Variants in KGD4 observed in about 807,000 individuals in gnomAD.
KGD4 encodes alpha-ketoglutarate dehydrogenase subunit 4.
the KGD4 span, chr5:69,226,516 T>G: frequency 1.3e-6 from 1 of 762,690 alleles, no homozygotes; most frequent in Non-Finnish European, 2.1e-6. Flanking sequence ...CTATTGTAGC[T>G]TAGATCAAAA....
the KGD4 span, among the ~76,000 whole-genome samples, chr5:69,228,636 A>C: frequency 6.9e-4 from 105 of 152,280 alleles, no homozygotes; most frequent in African/African-American, 2.5e-3. Context: ...GTCCTGAATA[A>C]TTTTTCAGAG....
the KGD4 span, chr5:69,218,052 G>A: frequency 2.1e-6 from 2 of 956,648 alleles, no homozygotes; most frequent in Non-Finnish European, 3.1e-6. Flanking sequence ...GGACCGGGCA[G>A]TGAGGTGGGT....
the KGD4 span, chr5:69,229,135 G>A: frequency 2.5e-6 from 3 of 1,206,624 alleles, no homozygotes; most frequent in African/African-American, 4.8e-5. Context: ...GTATAAATTT[G>A]TAAAATTGCC....
At chr5:69,227,363 T>TC in the KGD4 span, among the ~76,000 whole-genome samples, 2 of 152,224 alleles carry the variant, frequency 1.3e-5, no homozygotes. Context: ...ATCTTTTCTT[T>TC]CATTCATTCA....
chr5:69,220,745 A>AG, the KGD4 span, among the ~76,000 whole-genome samples: 481 of 152,232 alleles, frequency 3.2e-3, 3 homozygotes, highest in African/African-American at 0.011. Flanking sequence ...CGAAAAGAAA[A>AG]GGGGGAAATG....
chr5:69,224,348 G>A, the KGD4 span, among the ~76,000 whole-genome samples: 1 of 150,570 alleles, frequency 6.6e-6, no homozygotes, highest in African/African-American at 2.5e-5. Context: ...CAGAGATTAC[G>A]CCACTACATT....
the KGD4 span, chr5:69,226,261 T>C: frequency 2.1e-6 from 2 of 970,246 alleles, no homozygotes. Context: ...TTAACAAACG[T>C]ATCTACTTAT....
chr5:69,229,693 T>G, the KGD4 span: 1 of 153,788 alleles, frequency 6.5e-6, no homozygotes, highest in African/African-American at 2.4e-5. Flanking sequence ...TTCTCTGTTC[T>G]CTAATGTTTT....
At chr5:69,228,508 G>A in the KGD4 span, 194 of 986,160 alleles carry the variant, frequency 2.0e-4, no homozygotes, top group African/African-American at 2.7e-3. Context: ...TCAGAGCTAA[G>A]ACAGGATGGT....
the KGD4 span, among the ~76,000 whole-genome samples, chr5:69,218,995 T>A: frequency 0.45 from 68,098 of 151,988 alleles, 15,396 homozygotes; most frequent in South Asian, 0.56. Flanking sequence ...TAAAAATGGG[T>A]AAAAGACTTG....
the KGD4 span, chr5:69,226,208 G>A: frequency 1.1e-4 from 72 of 643,458 alleles, no homozygotes; most frequent in African/African-American, 1.1e-3. Flanking sequence ...AGCTTTCCTG[G>A]TTGGGGAAGA....
At chr5:69,218,011 G>T in the KGD4 span, 1 of 1,365,866 alleles carries the variant, frequency 7.3e-7, no homozygotes, top group South Asian at 1.3e-5. Context: ...GCGCCCGCGG[G>T]TGTGTGTGAG....
At chr5:69,228,217 TCAG>T in the KGD4 span, 2 of 1,565,330 alleles carry the variant, frequency 1.3e-6, no homozygotes, top group South Asian at 2.5e-5. Context: ...AGCTTTGAGA[TCAG>T]CAGGGCTACC....
chr5:69,221,514 A>C, the KGD4 span, among the ~76,000 whole-genome samples: 1 of 152,240 alleles, frequency 6.6e-6, no homozygotes, highest in Non-Finnish European at 1.5e-5. Context: ...AAAACGAGCA[A>C]AGGGAATACA....
the KGD4 span, among the ~76,000 whole-genome samples, chr5:69,223,573 C>T: frequency 2.2e-5 from 2 of 90,462 alleles, no homozygotes; most frequent in Non-Finnish European, 4.8e-5. Flanking sequence ...AAACCCACCT[C>T]AGTCTTATTC....
the KGD4 span, chr5:69,217,951 C>A: frequency 6.2e-7 from 1 of 1,609,144 alleles, no homozygotes; most frequent in Non-Finnish European, 8.5e-7. Context: ...GGAGTAAAGG[C>A]GGTGGCAGAG....
At chr5:69,220,006 G>T in the KGD4 span, among the ~76,000 whole-genome samples, 67,921 of 151,802 alleles carry the variant, frequency 0.45, 15,323 homozygotes, top group South Asian at 0.56. Flanking sequence ...GAGGCAGGAG[G>T]ATGGCTTGAG....
At chr5:69,220,226 C>CAA in the KGD4 span, among the ~76,000 whole-genome samples, 32 of 124,388 alleles carry the variant, frequency 2.6e-4, no homozygotes, top group African/African-American at 9.5e-4. Context: ...GACCCTGACT[C>CAA]AAAAAAAAAA....
chr5:69,223,802 T>TTTGGGAGGC, the KGD4 span, among the ~76,000 whole-genome samples: 1 of 152,220 alleles, frequency 6.6e-6, no homozygotes, highest in East Asian at 1.9e-4. Context: ...GGCTCACGCC[T>TTTGGGAGGC]GTAATCCCAG....
Sources: allele counts gnomAD v4.1 joint callset (sites outside exome capture counted in the v4.1 genomes callset), GRCh38; gene constraint gnomAD v4.1.1; transcripts MANE v1.5; gene names NCBI Gene and HGNC (gene_info 2026-07-23, HGNC 2026-07-21).